PIBF1: variants seen among roughly 807,000 people sequenced by gnomAD.
PIBF1 encodes the protein progesterone immunomodulatory binding factor 1.
In PIBF1, 90 loss-of-function variants were observed where a neutral mutation model predicts 112.5. The ratio of observed to expected loss-of-function variants is 0.80; its 90% CI spans 0.67 to 0.95. The LOEUF is 0.95. PIBF1 is among the 40% of genes least tolerant of loss of function. The pLI, the probability that PIBF1 is intolerant of heterozygous loss-of-function variation, is 0.00. For missense variants in PIBF1, 915 were observed against 852.3 expected, an observed-to-expected ratio of 1.07 and a Z score of -0.92; for synonymous variants, 301 against 288.6, an observed-to-expected ratio of 1.04 and a Z score of -0.44.
chr13:72,900,521 T>C (rs2138610706), intron 11 of PIBF1, among the ~76,000 whole-genome samples: 1 of 152,300 alleles, frequency 6.6e-6, no homozygotes, highest in East Asian at 1.9e-4. Context: ...TTTCAATAAA[T>C]GGTGCTGGGA....
At chr13:73,015,284 G>A (rs899693265) in intron 17 of PIBF1, among the ~76,000 whole-genome samples, 1 of 152,152 alleles carries the variant, frequency 6.6e-6, no homozygotes, top group Non-Finnish European at 1.5e-5. Flanking sequence ...GAGCCACCGC[G>A]CCCAGCCAAA....
chr13:73,014,234 G>A (rs1007956712), intron 17 of PIBF1, among the ~76,000 whole-genome samples: 7 of 151,880 alleles, frequency 4.6e-5, no homozygotes, highest in Non-Finnish European at 7.4e-5. Context: ...TTGGCCTCCC[G>A]GTGTGAGCCA....
intron 10 of PIBF1, among the ~76,000 whole-genome samples, chr13:72,865,826 T>C (rs2038903303): frequency 6.6e-6 from 1 of 152,180 alleles, no homozygotes. Flanking sequence ...AAGTTGAACA[T>C]CAGTAGGTAT....
At chr13:72,849,415 G>C (rs183208439) in intron 9 of PIBF1, among the ~76,000 whole-genome samples, 3 of 152,062 alleles carry the variant, frequency 2.0e-5, no homozygotes, top group African/African-American at 7.2e-5. Context: ...AAGAACATTT[G>C]AATTCCTGTA....
At chr13:73,013,233 G>A (rs1331498035) in intron 17 of PIBF1, among the ~76,000 whole-genome samples, 4 of 147,090 alleles carry the variant, frequency 2.7e-5, no homozygotes, top group South Asian at 4.3e-4. Flanking sequence ...CCCGGGAGGC[G>A]GAGCTTGCAG....
intron 13 of PIBF1, among the ~76,000 whole-genome samples, chr13:72,930,052 G>T (rs2041653061): frequency 6.6e-6 from 1 of 152,134 alleles, no homozygotes; most frequent in South Asian, 2.1e-4. Context: ...CAGAGGCAGG[G>T]TCTCACCCTG....
intron 16 of PIBF1, among the ~76,000 whole-genome samples, chr13:72,987,828 A>AT (rs954668761): frequency 4.5e-5 from 3 of 65,938 alleles, no homozygotes; most frequent in African/African-American, 2.1e-4. Context: ...AGTTTTTTTT[A>AT]TTTTTTGTAA....
intron 5 of PIBF1, among the ~76,000 whole-genome samples, chr13:72,798,920 A>T (rs2137986140): frequency 6.6e-6 from 1 of 152,314 alleles, no homozygotes; most frequent in East Asian, 1.9e-4. Flanking sequence ...TGTGAAGTGC[A>T]GTTAACTCTC....
chr13:72,907,711 A>T (rs1447860049), intron 11 of PIBF1, among the ~76,000 whole-genome samples: 2 of 152,158 alleles, frequency 1.3e-5, no homozygotes, highest in Non-Finnish European at 2.9e-5. Context: ...CTCAGGAAAC[A>T]GTATATTATG....
chr13:72,823,520 A>G (rs577939412), intron 6 of PIBF1, among the ~76,000 whole-genome samples: 5 of 152,302 alleles, frequency 3.3e-5, no homozygotes, highest in Admixed American at 6.5e-5. Flanking sequence ...GAGTTTAAAA[A>G]CATCGGTCAT....
intron 5 of PIBF1, among the ~76,000 whole-genome samples, chr13:72,798,667 C>T (rs1954246321): frequency 6.6e-6 from 1 of 152,036 alleles, no homozygotes; most frequent in African/African-American, 2.4e-5. Context: ...GTATTATTGA[C>T]CAGATATCCT....
intron 16 of PIBF1, among the ~76,000 whole-genome samples, chr13:72,981,602 C>T (rs975340659): frequency 2.6e-5 from 4 of 152,104 alleles, no homozygotes; most frequent in Non-Finnish European, 5.9e-5. Context: ...GTGGTACAGT[C>T]AGTGTTTTGA....
intron 13 of PIBF1, among the ~76,000 whole-genome samples, chr13:72,919,698 TG>T (rs2041224930): frequency 6.6e-6 from 1 of 151,980 alleles, no homozygotes; most frequent in Non-Finnish European, 1.5e-5. Context: ...CTGGGTGCAG[TG>T]ACTCACACCT....
Position 72,832,071 on chromosome 13 carries a change from C to CTTTTT in PIBF1, c.1098-3172_1098-3171insTTTTT, listed in dbSNP as rs1491281184. Among the ~76,000 whole-genome samples, 22 of 59,496 alleles carry CTTTTT rather than the reference C, an allele frequency of 3.7e-4. 6 individuals carry two copies. Among genetic ancestry groups the CTTTTT allele is most frequent in the Admixed American group, 1.3e-3 (5 of 3,936 alleles). 39.0% of individuals were successfully genotyped at this position (59,496 alleles called of 152,430 possible). A position where few individuals can be genotyped will look rare whatever the true frequency, so the allele number is the denominator to read the frequency against. On this transcript the variant is annotated intron_variant, in intron 8 of 17. Coordinates refer to ENST00000326291, the MANE Select transcript of PIBF1 (RefSeq NM_006346.4). ...TCAGAGATTAGAATTGCAATTCCGG[C>CTTTTT]CTTTTTTTTTTTTTTTTTTTTTTTT... is the stretch of plus-strand genomic sequence containing the variant.
intron 5 of PIBF1, among the ~76,000 whole-genome samples, chr13:72,816,137 C>G (rs1366651747): frequency 6.6e-6 from 1 of 152,092 alleles, no homozygotes; most frequent in Non-Finnish European, 1.5e-5. Flanking sequence ...TGGGTGATGT[C>G]TTAATACTAG....
intron 10 of PIBF1, among the ~76,000 whole-genome samples, chr13:72,876,134 C>CTTTTTTTTTTTTTTTTTTT: frequency 1.1e-5 from 1 of 91,214 alleles, no homozygotes; most frequent in Non-Finnish European, 2.0e-5. Flanking sequence ...TGTTCAGATT[C>CTTTTTTTTTTTTTTTTTTT]TTTTTTTTTT....
intron 10 of PIBF1, among the ~76,000 whole-genome samples, chr13:72,865,716 A>G (rs1472323490): frequency 6.6e-6 from 1 of 152,202 alleles, no homozygotes; most frequent in Non-Finnish European, 1.5e-5. Context: ...AAACGGAGCC[A>G]TAATTACACA....
chr13:72,963,859 T>C (rs1232640737), intron 14 of PIBF1, among the ~76,000 whole-genome samples: 2 of 152,110 alleles, frequency 1.3e-5, no homozygotes, highest in Non-Finnish European at 2.9e-5. Flanking sequence ...TGTGGAGAAA[T>C]TGTAATCAAA....
At chr13:72,985,304 G>T (rs2043251037) in intron 16 of PIBF1, among the ~76,000 whole-genome samples, 1 of 143,998 alleles carries the variant, frequency 6.9e-6, no homozygotes, top group Non-Finnish European at 1.5e-5. Flanking sequence ...GAAGCAGGGG[G>T]ATCACGAGGT....
Sources: gnomAD v4.1 joint callset for allele counts (sites outside exome capture counted in the v4.1 genomes callset) on GRCh38, gnomAD v4.1.1 for gene constraint, MANE v1.5 for transcripts, NCBI Gene and HGNC (gene_info 2026-07-23, HGNC 2026-07-21) for gene names.